Variants in TMCC1 observed in about 807,000 individuals in gnomAD.
TMCC1 encodes transmembrane and coiled-coil domains protein 1.
A neutral mutation model predicts 52.4 loss-of-function variants in TMCC1; 15 were observed. That is an observed-to-expected ratio of 0.29 (90% confidence interval 0.19 to 0.44). TMCC1 has a LOEUF of 0.44. TMCC1 is among the 20% of genes least tolerant of loss of function. The probability of loss-of-function intolerance (pLI) is 1.00; values close to 1 mark genes in which losing one functional copy is unlikely to be tolerated. For synonymous variants in TMCC1, 279 were observed against 301.9 expected (o/e 0.92, Z 0.79); for missense variants, 503 against 806.0 (o/e 0.62, Z 4.55).
At chr3:129,742,414 A>T (rs2051544408) in intron 4 of TMCC1, among the ~76,000 whole-genome samples, 1 of 152,160 alleles carries the variant, frequency 6.6e-6, no homozygotes, top group Admixed American at 6.5e-5. Flanking sequence ...GAGGACCTGA[A>T]CAGACAGTTC....
chr3:129,862,599 AAAAT>A (rs762306514), intron 2 of TMCC1, among the ~76,000 whole-genome samples: 37 of 152,234 alleles, frequency 2.4e-4, no homozygotes, highest in Non-Finnish European at 4.6e-4. Context: ...TTCAGATTTT[AAAAT>A]AAGTGCTGAA....
chr3:129,854,387 C>CAA (rs1164345143), intron 2 of TMCC1, among the ~76,000 whole-genome samples: 2 of 44,336 alleles, frequency 4.5e-5, no homozygotes, highest in Non-Finnish European at 4.4e-5. Flanking sequence ...GACTCTGTGT[C>CAA]AAAAAAAAAA....
chr3:129,690,779 G>T (rs1048768913), intron 4 of TMCC1, among the ~76,000 whole-genome samples: 1 of 152,178 alleles, frequency 6.6e-6, no homozygotes, highest in South Asian at 2.1e-4. Flanking sequence ...TGGGCCTAAA[G>T]CAGACTTTGT....
intron 5 of TMCC1, among the ~76,000 whole-genome samples, chr3:129,667,157 C>T (rs2087530710): frequency 6.7e-6 from 1 of 149,852 alleles, no homozygotes; most frequent in Non-Finnish European, 1.5e-5. Flanking sequence ...CCCACCTCAG[C>T]CTCCCAAAGT....
intron 4 of TMCC1, chr3:129,794,421 T>C (rs1197329894): frequency 4.4e-6 from 2 of 454,946 alleles, no homozygotes; most frequent in African/African-American, 2.0e-5. Flanking sequence ...AATAACAGCT[T>C]CTTGGGAAAG....
At chr3:129,809,713 T>G (rs1434392740) in intron 4 of TMCC1, among the ~76,000 whole-genome samples, 1 of 152,188 alleles carries the variant, frequency 6.6e-6, no homozygotes, top group African/African-American at 2.4e-5. Context: ...TTAGTTAAAG[T>G]ACTGAAATCC....
At chr3:129,707,979 A>G (rs1038984023) in intron 4 of TMCC1, among the ~76,000 whole-genome samples, 4 of 150,602 alleles carry the variant, frequency 2.7e-5, no homozygotes, top group African/African-American at 9.7e-5. Context: ...TTTACAGGAT[A>G]TTATAGAATT....
chr3:129,844,172 C>G (rs1284958014), intron 2 of TMCC1, among the ~76,000 whole-genome samples: 1 of 152,100 alleles, frequency 6.6e-6, no homozygotes, highest in Non-Finnish European at 1.5e-5. Context: ...ATTCCAATAT[C>G]TATTTACGAT....
intron 4 of TMCC1, among the ~76,000 whole-genome samples, chr3:129,723,360 C>CTTTTT (rs62761061): frequency 1.3e-4 from 14 of 105,614 alleles, no homozygotes; most frequent in South Asian, 3.2e-4. Flanking sequence ...AAATCTTTTT[C>CTTTTT]TTTTTTTTTT....
At chr3:129,670,111 T>C (rs2087793127) in intron 5 of TMCC1, among the ~76,000 whole-genome samples, 1 of 152,208 alleles carries the variant, frequency 6.6e-6, no homozygotes. Context: ...TGAAATACTT[T>C]AGAAAGCTTG....
chr3:129,703,957 T>G (rs1042259546), intron 4 of TMCC1, among the ~76,000 whole-genome samples: 2 of 152,134 alleles, frequency 1.3e-5, no homozygotes, highest in African/African-American at 4.8e-5. Context: ...AGAAGAGACG[T>G]GAGACCAGAG....
Position 129,828,796 on chromosome 3 carries a change from T to TTA in TMCC1, c.-130-290_-130-289dup, listed in dbSNP as rs1207254184. Among the ~76,000 whole-genome samples the TTA allele has an allele frequency of 6.6e-6, 1 of 152,172 alleles. No homozygotes were observed. The highest frequency in any genetic ancestry group is 1.5e-5 in the Non-Finnish European group (1 of 68,024). ...GATTCAATATATACAGAATTAGATA[T>TTA]TAGAGGAGCCATCTTGGAATGGACA... On this transcript the variant is annotated intron_variant, in intron 3 of 6. Coordinates refer to ENST00000393238, the MANE Select transcript of TMCC1 (RefSeq NM_001017395.5). The surrounding 1 kb of genome is among the most constrained non-coding windows in gnomAD (Gnocchi z 4.1).
Position 129,661,286 on chromosome 3 carries a change from C to T in TMCC1, c.1512-6183G>A, listed in dbSNP as rs1406329453. On this transcript the variant is annotated intron_variant, in intron 5 of 6. Transcript: ENST00000393238. ...ACAAAAAATACAAAAATTAGCTGGG[C>T]ATAGTGGCATGCACCTGCAGTCCCA... Among the ~76,000 whole-genome samples, 5 of 152,090 alleles carry T rather than the reference C, an allele frequency of 3.3e-5. 1 individual carries two copies. Among genetic ancestry groups the T allele is most frequent in the Non-Finnish European group, 7.4e-5 (5 of 68,014 alleles).
chr3:129,800,278 A>C (rs528524792), intron 4 of TMCC1, among the ~76,000 whole-genome samples: 13 of 152,130 alleles, frequency 8.5e-5, no homozygotes, highest in Admixed American at 1.3e-4. Flanking sequence ...CTCTATTATA[A>C]ATCTGCTATA....
At chr3:129,788,256 G>A (rs1482109770) in intron 4 of TMCC1, among the ~76,000 whole-genome samples, 2 of 152,050 alleles carry the variant, frequency 1.3e-5, no homozygotes, top group Non-Finnish European at 2.9e-5. Context: ...TGCTCTCTCA[G>A]GTCTACATGG....
Position 129,671,283 on chromosome 3 carries a change from G to A in TMCC1, c.577-19C>T, listed in dbSNP as rs2087917981. ...GTTCGATCTAGTGTAAAAACAAGAG[G>A]TACATGTTAGAAGCCCAAGAGGACT... On this transcript the variant is annotated intron_variant, in intron 4 of 6. Transcript: ENST00000393238. 2 of 1,585,818 alleles carry A rather than the reference G, an allele frequency of 1.3e-6. No individual in the cohort carries two copies. The highest frequency in any genetic ancestry group is 2.2e-5 in the East Asian group (1 of 44,546).
At chr3:129,720,201 A>AG (rs1220416794) in intron 4 of TMCC1, among the ~76,000 whole-genome samples, 1 of 151,198 alleles carries the variant, frequency 6.6e-6, no homozygotes. Context: ...AAAAAAAAAA[A>AG]AGAGATGGAA....
At chr3:129,818,387 T>TA (rs2058215494) in intron 4 of TMCC1, among the ~76,000 whole-genome samples, 1 of 151,778 alleles carries the variant, frequency 6.6e-6, no homozygotes, top group African/African-American at 2.4e-5. Context: ...TTTTAAATTT[T>TA]CTTTAAAAGT....
In TMCC1 at chr3:129,881,113, C is replaced by T. The variant is rs183632151; in HGVS notation, c.-434-554G>A. ...TCCTGACCTCATGATCCCCCTGCCTCGGCCTCCCAAAGTGCTGGGATTACA... is the reference window on the plus strand; with the variant it reads ...TCCTGACCTCATGATCCCCCTGCCTTGGCCTCCCAAAGTGCTGGGATTACA... On this transcript the variant is annotated intron_variant, in intron 1 of 6. Coordinates refer to ENST00000393238, the MANE Select transcript of TMCC1 (RefSeq NM_001017395.5). Among the ~76,000 whole-genome samples the T allele has an allele frequency of 4.6e-5, 7 of 152,152 alleles. No homozygotes were observed. The East Asian group carries it at 7.7e-4, about 17-fold the overall frequency.
Sources: allele counts gnomAD v4.1 joint callset (sites outside exome capture counted in the v4.1 genomes callset), GRCh38; gene constraint gnomAD v4.1.1; non-coding constraint Gnocchi (gnomAD v3.1); transcripts MANE v1.5; gene names NCBI Gene and HGNC (gene_info 2026-07-23, HGNC 2026-07-21).